Variants in BIN3 observed in about 807,000 individuals in gnomAD.
BIN3 encodes bridging integrator 3.
A neutral mutation model predicts 38.2 loss-of-function variants in BIN3; 41 were observed. That is an observed-to-expected ratio of 1.07 (90% CI 0.84 to 1.39). The LOEUF is 1.39. Ranked by LOEUF, BIN3 falls within the 40% of genes most tolerant of loss-of-function variation. The probability of loss-of-function intolerance (pLI) is 0.00; values close to 1 mark genes in which losing one functional copy is unlikely to be tolerated. For synonymous variants in BIN3, 145 were observed against 122.6 expected, an observed-to-expected ratio of 1.18 and a Z score of -1.21; for missense variants, 361 against 324.3, an observed-to-expected ratio of 1.11 and a Z score of -0.87.
Position 22,630,566 on chromosome 8 carries a change from G to T in BIN3, c.173C>A (p.Ser58Tyr). Reference sequence around the variant, plus strand: ...TAAGTCCAAGGATATCTTCACGGCAGATTTTGACATGGCTGTGGGAAGCCA... The same window carrying T: ...TAAGTCCAAGGATATCTTCACGGCATATTTTGACATGGCTGTGGGAAGCCA... ...STDADLAMSK[S>Y]AVKISLDLLS... The change falls in exon 5 of 9, where the codon TCT (serine) becomes TAT (tyrosine). Residue 58 changes from serine (S) to tyrosine (Y), a missense_variant. By Grantham distance (144) the Ser-to-Tyr change is moderately radical. Coordinates refer to ENST00000276416, the MANE Select transcript of BIN3 (RefSeq NM_018688.6). 6.2e-7 allele frequency: 1 copy of T among 1,613,942 alleles called. No homozygotes were observed. Among genetic ancestry groups the T allele is most frequent in the Non-Finnish European group, 8.5e-7 (1 of 1,179,840 alleles).
intron 1 of BIN3, among the ~76,000 whole-genome samples, chr8:22,645,605 G>A (rs538505772): frequency 1.9e-3 from 260 of 133,972 alleles, no homozygotes; most frequent in Non-Finnish European, 2.9e-3. Context: ...GAAGACACCC[G>A]CGAGGATGGC....
chr8:22,661,853 T>A (rs755362419), intron 1 of BIN3, among the ~76,000 whole-genome samples: 5 of 152,104 alleles, frequency 3.3e-5, no homozygotes, highest in Non-Finnish European at 7.4e-5. Context: ...TGCAGTGGCA[T>A]GATCTCAGCT....
rs185073089 is a variant in BIN3, at chr8:22,640,019, G to A, written c.58-3057C>T. Among the ~76,000 whole-genome samples, 3 of 151,118 alleles carry A rather than the reference G, an allele frequency of 2.0e-5. No individual in the cohort carries two copies. The East Asian group carries it at 5.9e-4, about 30-fold the overall frequency. ...TGGGATTACAGGCATGTGCCACCGCGCCTGGCTAATTTTCGTGTTTTTAGT... is the reference window on the plus strand; with the variant it reads ...TGGGATTACAGGCATGTGCCACCGCACCTGGCTAATTTTCGTGTTTTTAGT... On this transcript the variant is annotated intron_variant, in intron 2 of 8. Coordinates refer to ENST00000276416, the MANE Select transcript of BIN3 (RefSeq NM_018688.6).
intron 4 of BIN3, among the ~76,000 whole-genome samples, chr8:22,633,476 C>T (rs1247032042): frequency 2.0e-5 from 3 of 152,212 alleles, no homozygotes; most frequent in East Asian, 3.8e-4. Context: ...GTCTTGGACC[C>T]CACCCGGGTC....
intron 4 of BIN3, among the ~76,000 whole-genome samples, chr8:22,630,898 A>C (rs984877278): frequency 1.3e-5 from 2 of 152,016 alleles, no homozygotes; most frequent in Non-Finnish European, 2.9e-5. Context: ...AATTCAGTAA[A>C]CCCGGTACCC....
intron 2 of BIN3, among the ~76,000 whole-genome samples, chr8:22,639,806 T>G (rs113545915): frequency 0.017 from 2,633 of 151,948 alleles, 73 homozygotes; most frequent in African/African-American, 0.058. Flanking sequence ...TGGTTAAGGG[T>G]GGAGTCCCAT....
intron 2 of BIN3, among the ~76,000 whole-genome samples, chr8:22,643,533 T>C (rs1336352439): frequency 1.3e-5 from 2 of 152,204 alleles, no homozygotes; most frequent in Non-Finnish European, 2.9e-5. Flanking sequence ...GGTCTCAAAC[T>C]TCTTGCTTGA....
intron 4 of BIN3, among the ~76,000 whole-genome samples, chr8:22,630,783 C>G (rs1802169303): frequency 6.6e-6 from 1 of 152,190 alleles, no homozygotes; most frequent in Non-Finnish European, 1.5e-5. Context: ...TAACACTGCT[C>G]CAGACAATTC....
intron 8 of BIN3, among the ~76,000 whole-genome samples, chr8:22,622,171 G>A (rs966569097): frequency 1.6e-4 from 24 of 152,214 alleles, no homozygotes; most frequent in African/African-American, 5.3e-4. Context: ...GGTGGGGCAG[G>A]TGGAGGAATG....
intron 2 of BIN3, among the ~76,000 whole-genome samples, chr8:22,641,833 G>C (rs919047218): frequency 7.2e-5 from 11 of 152,296 alleles, no homozygotes; most frequent in African/African-American, 2.4e-4. Flanking sequence ...GCTTCGAAGA[G>C]CTCTTCCATC....
At chr8:22,622,925 C>A (rs1801874250) in intron 8 of BIN3, among the ~76,000 whole-genome samples, 1 of 152,230 alleles carries the variant, frequency 6.6e-6, no homozygotes, top group Admixed American at 6.5e-5. Flanking sequence ...CCCGCCCCGG[C>A]ATGAACCCTG....
At chr8:22,637,513 C>G (rs886068848) in intron 2 of BIN3, among the ~76,000 whole-genome samples, 3 of 152,236 alleles carry the variant, frequency 2.0e-5, no homozygotes, top group Admixed American at 2.0e-4. Flanking sequence ...AACACAGACA[C>G]TGTGACTACT....
Position 22,621,451 on chromosome 8 carries a change from G to A in BIN3, c.733C>T (p.Arg245Trp), listed in dbSNP as rs745336812. ...TCATCGGCCACAATGGAGAGGGCCC[G>A]GAGCTCACTGAGTTTGGCCTCGTTC... Reference protein sequence around the residue: ...RENEAKLSELRALSIVADD With the variant: ...RENEAKLSELWALSIVADD The change falls in exon 9 of 9, where the codon CGG (arginine) becomes TGG (tryptophan). Residue 245 changes from arginine to tryptophan, a missense_variant. Arg to Trp is a moderately radical substitution (Grantham distance 101). Transcript: ENST00000276416. 2.3e-5 allele frequency: 37 copies of A among 1,613,526 alleles called. No individual in the cohort carries two copies. In the Admixed American group the frequency reaches 6.0e-4, roughly 26 times the overall value.
At chr8:22,626,071 AACAGT>A (rs1244720586) in intron 6 of BIN3, 26 of 152,650 alleles carry the variant, frequency 1.7e-4, no homozygotes, top group African/African-American at 5.8e-4. Context: ...CCTCTACCTC[AACAGT>A]GTCCATAAGG....
Position 22,624,067 on chromosome 8 carries a change from G to T in BIN3, c.481-18C>A. 6.2e-7 allele frequency: 1 copy of T among 1,610,588 alleles called. No individual in the cohort carries two copies. The highest frequency in any genetic ancestry group is 8.5e-7 in the Non-Finnish European group (1 of 1,177,804). On this transcript the variant is annotated intron_variant, in intron 7 of 8. Coordinates refer to ENST00000276416, the MANE Select transcript of BIN3 (RefSeq NM_018688.6). ...TCTCGTGCCTAGGGAACAAGACCTG[G>T]GTGTCAAAACTCTCTCACTGCTGGG...
At chr8:22,622,865 C>A (rs189182075) in intron 8 of BIN3, among the ~76,000 whole-genome samples, 40 of 152,342 alleles carry the variant, frequency 2.6e-4, no homozygotes, top group African/African-American at 9.1e-4. Context: ...CTAGGTCTCA[C>A]TGCCCCCTAA....
chr8:22,664,852 G>A (rs1395328699), intron 1 of BIN3, among the ~76,000 whole-genome samples: 1 of 152,216 alleles, frequency 6.6e-6, no homozygotes, highest in African/African-American at 2.4e-5. Flanking sequence ...ATGTGAGACA[G>A]CAACGGTAAT....
At chr8:22,647,954 G>C in intron 1 of BIN3, among the ~76,000 whole-genome samples, 1 of 149,852 alleles carries the variant, frequency 6.7e-6, no homozygotes, top group Non-Finnish European at 1.5e-5. Context: ...GTGAAACGCC[G>C]TCTCTACTAT....
At chr8:22,643,604 T>C (rs1243822635) in intron 2 of BIN3, among the ~76,000 whole-genome samples, 2 of 152,218 alleles carry the variant, frequency 1.3e-5, no homozygotes, top group Non-Finnish European at 2.9e-5. Context: ...CACTGGACCC[T>C]GTGAGGGTGC....
Sources: allele counts gnomAD v4.1 joint callset (sites outside exome capture counted in the v4.1 genomes callset), GRCh38; gene constraint gnomAD v4.1.1; transcripts MANE v1.5; gene names NCBI Gene and HGNC (gene_info 2026-07-23, HGNC 2026-07-21).